Variants in GMDS observed in about 807,000 individuals in gnomAD.
GMDS encodes GDP-mannose 4,6 dehydratase.
Under a neutral mutation model 49.9 loss-of-function variants are expected in GMDS, and 20 were observed. That is an observed-to-expected ratio of 0.40 (90% CI 0.28 to 0.58). The LOEUF (loss-of-function observed/expected upper bound fraction) is 0.58, where lower values mean the gene tolerates loss of function less well. Ranked by LOEUF, GMDS falls within the 20% of genes least tolerant of loss-of-function variation. GMDS has a pLI of 0.42. For synonymous variants in GMDS, 177 were observed against 178.6 expected (o/e 0.99, Z 0.07); for missense variants, 362 against 481.4 (o/e 0.75, Z 2.32).
At chr6:1,762,594 C>T (rs1225517682) in intron 7 of GMDS, among the ~76,000 whole-genome samples, 6 of 152,200 alleles carry the variant, frequency 3.9e-5, no homozygotes, top group African/African-American at 1.4e-4. Flanking sequence ...AAGATTTGTG[C>T]TTCTTTCTTT....
chr6:1,693,516 T>C (rs1377593009), intron 9 of GMDS, among the ~76,000 whole-genome samples: 1 of 152,232 alleles, frequency 6.6e-6, no homozygotes, highest in Non-Finnish European at 1.5e-5. Flanking sequence ...TTCCTGTATC[T>C]CAGAGGTTAC....
rs70992106 is a variant in GMDS, at chr6:1,853,567, A to AGTGTGT, written c.771+76530_771+76535dup. The stretch of plus-strand genomic sequence containing the variant: ...ATTATACAAGGAGATAACTCATATG[A>AGTGTGT]GTGTGTGTGTGTGTGTATACACATC... On this transcript the variant is annotated intron_variant, in intron 7 of 10. Coordinates refer to ENST00000380815, the MANE Select transcript of GMDS (RefSeq NM_001500.4). Among the ~76,000 whole-genome samples the AGTGTGT allele has an allele frequency of 2.7e-4, 39 of 146,750 alleles. No homozygotes were observed. In the South Asian group the frequency reaches 3.4e-3, roughly 13 times the overall value.
At chr6:1,657,424 T>A (rs939874846) in intron 9 of GMDS, among the ~76,000 whole-genome samples, 3 of 152,176 alleles carry the variant, frequency 2.0e-5, no homozygotes, top group Non-Finnish European at 4.4e-5. Flanking sequence ...GACAGCAACA[T>A]GGCAGATTAT....
Position 1,705,082 on chromosome 6 carries a change from C to T in GMDS, c.987+21334G>A, listed in dbSNP as rs79900060. On this transcript the variant is annotated intron_variant, in intron 9 of 10. Coordinates refer to ENST00000380815, the MANE Select transcript of GMDS (RefSeq NM_001500.4). ...TATTAAATACCACTAAACGACAAAG[C>T]GATGACTACTGAACATTTTGACCAG... Among the ~76,000 whole-genome samples, 16 of 152,288 alleles carry T rather than the reference C, an allele frequency of 1.1e-4. No individual in the cohort carries two copies. The East Asian group carries it at 2.3e-3, about 22-fold the overall frequency.
intron 4 of GMDS, among the ~76,000 whole-genome samples, chr6:2,041,371 G>A (rs1286043157): frequency 6.6e-6 from 1 of 152,188 alleles, no homozygotes; most frequent in East Asian, 1.9e-4. Context: ...CTGGAGAGTG[G>A]TGTGTTCACT....
chr6:1,954,728 T>G (rs998041966), intron 6 of GMDS, among the ~76,000 whole-genome samples: 11 of 152,216 alleles, frequency 7.2e-5, no homozygotes, highest in African/African-American at 2.4e-4. Context: ...CAGATTCTAC[T>G]TTTAATTCTA....
intron 7 of GMDS, among the ~76,000 whole-genome samples, chr6:1,889,810 T>C (rs996127496): frequency 2.0e-5 from 3 of 152,172 alleles, no homozygotes; most frequent in Non-Finnish European, 4.4e-5. Context: ...CAGTGTACTT[T>C]CAGTGTCTAT....
At chr6:1,716,844 C>G (rs1262627630) in intron 9 of GMDS, among the ~76,000 whole-genome samples, 1 of 152,220 alleles carries the variant, frequency 6.6e-6, no homozygotes, top group Non-Finnish European at 1.5e-5. Context: ...CTAAAACTCC[C>G]CTTTATTAGG....
In GMDS at chr6:1,857,730, CT is replaced by C. The variant is rs143557573; in HGVS notation, c.771+72372del. ...GTTATTCACTATATTTTTAGCAAGA[CT>C]GAGCCCTAGTCCATGTGCAGACTTC... On this transcript the variant is annotated intron_variant, in intron 7 of 10. Coordinates refer to ENST00000380815, the MANE Select transcript of GMDS (RefSeq NM_001500.4). Among the ~76,000 whole-genome samples, 244 of 152,304 alleles carry C rather than the reference CT, an allele frequency of 1.6e-3. 1 individual carries two copies. The highest frequency in any genetic ancestry group is 5.4e-3 in the African/African-American group (223 of 41,554).
chr6:2,074,746 C>A (rs1243323264), intron 4 of GMDS, among the ~76,000 whole-genome samples: 1 of 152,156 alleles, frequency 6.6e-6, no homozygotes, highest in East Asian at 1.9e-4. Context: ...TCAAGAAATT[C>A]TCCTGATTCA....
chr6:2,245,308 C>T lies in GMDS; in HGVS notation c.102+13G>A. ...GGCTGCCTCGGCCGGCGCGCCCCCGCCCCCGCACTCACCTGGCCTGTGATA... is the reference window on the plus strand; with the variant it reads ...GGCTGCCTCGGCCGGCGCGCCCCCGTCCCCGCACTCACCTGGCCTGTGATA... On this transcript the variant is annotated intron_variant, in intron 1 of 10. Coordinates refer to ENST00000380815, the MANE Select transcript of GMDS (RefSeq NM_001500.4). 6.6e-7 allele frequency: 1 copy of T among 1,518,538 alleles called. No homozygotes were observed. 94.1% of individuals were successfully genotyped at this position (1,518,538 alleles called of 1,614,324 possible). A position where few individuals can be genotyped will look rare whatever the true frequency, so the allele number is the denominator to read the frequency against.
chr6:1,722,062 CTTTTTTT>C (rs11356149), intron 9 of GMDS, among the ~76,000 whole-genome samples: 1 of 80,232 alleles, frequency 1.2e-5, no homozygotes, highest in South Asian at 4.4e-4. Flanking sequence ...GCTATCACGT[CTTTTTTT>C]TTTTTTTTTT....
intron 9 of GMDS, among the ~76,000 whole-genome samples, chr6:1,644,488 C>T (rs1285736600): frequency 6.6e-6 from 1 of 152,238 alleles, no homozygotes; most frequent in South Asian, 2.1e-4. Flanking sequence ...GCCTTTCTCA[C>T]CACCTTGCAC....
At chr6:1,887,869 T>C (rs1276525410) in intron 7 of GMDS, among the ~76,000 whole-genome samples, 1 of 152,168 alleles carries the variant, frequency 6.6e-6, no homozygotes, top group Non-Finnish European at 1.5e-5. Context: ...CCTTAAATCA[T>C]CTCTAGATTA....
intron 1 of GMDS, among the ~76,000 whole-genome samples, chr6:2,230,190 C>A (rs1376425753): frequency 1.3e-5 from 2 of 152,232 alleles, no homozygotes; most frequent in African/African-American, 2.4e-5. Context: ...TAAGCATTAT[C>A]TACATCAGTC....
chr6:2,220,481 T>C (rs981573461), intron 1 of GMDS, among the ~76,000 whole-genome samples: 3 of 152,192 alleles, frequency 2.0e-5, no homozygotes, highest in African/African-American at 7.2e-5. Flanking sequence ...GAGACAATAA[T>C]TGCTTATACG....
In GMDS at chr6:2,124,737, G is replaced by A. The variant is rs1481074648; in HGVS notation, c.103-6C>T. The A allele has an allele frequency of 6.2e-7, 1 of 1,612,034 alleles. No homozygotes were observed. Among genetic ancestry groups the A allele is most frequent in the Non-Finnish European group, 8.5e-7 (1 of 1,178,530 alleles). On this transcript the variant is annotated splice_polypyrimidine_tract_variant and splice_region_variant and intron_variant, in intron 1 of 10. Coordinates refer to ENST00000380815, the MANE Select transcript of GMDS (RefSeq NM_001500.4). ...TCAGCCAGGTAGGAACCATCCTGGG[G>A]AGAAAGAAAAAATTGCAAAACGTCA...
chr6:2,180,894 G>A (rs1008096686), intron 1 of GMDS, among the ~76,000 whole-genome samples: 1 of 152,126 alleles, frequency 6.6e-6, no homozygotes, highest in South Asian at 2.1e-4. Flanking sequence ...AAGGCCAGGT[G>A]CGGTGGATCA....
chr6:1,990,544 CT>C (rs1277565809), intron 4 of GMDS, among the ~76,000 whole-genome samples: 8 of 152,154 alleles, frequency 5.3e-5, no homozygotes, highest in Admixed American at 1.3e-4. Flanking sequence ...AACATACCCC[CT>C]GACAAATGTC....
Sources: gnomAD v4.1 joint callset for allele counts (sites outside exome capture counted in the v4.1 genomes callset) on GRCh38, gnomAD v4.1.1 for gene constraint, MANE v1.5 for transcripts, NCBI Gene and HGNC (gene_info 2026-07-23, HGNC 2026-07-21) for gene names.